The following USP31 variants were observed in gnomAD, a reference collection of about 807,000 sequenced individuals.
The protein encoded by USP31 is ubiquitin carboxyl-terminal hydrolase 31.
In USP31, 44 loss-of-function variants were observed where a neutral mutation model predicts 119.4. The observed-to-expected ratio is 0.37, with a 90% CI of 0.29 to 0.47. The LOEUF is 0.47. USP31 is among the 20% of genes least tolerant of loss of function. The pLI is 0.99. For missense variants in USP31, 1,643 were observed against 1,730.2 expected, an observed-to-expected ratio of 0.95 and a Z score of 0.89; for synonymous variants, 749 against 705.6, an observed-to-expected ratio of 1.06 and a Z score of -0.97.
rs1292151912 is a variant in USP31 at position 23,078,119 on chromosome 16, C to T, written c.2176+1827G>A. On this transcript the variant is annotated intron_variant, in intron 13 of 15. Coordinates refer to ENST00000219689, the MANE Select transcript of USP31 (RefSeq NM_020718.4). ...ACCAGGTCAGGAGATCGAGACCATC[C>T]TGGCCAACATGGTGAAACCCCGTCT... Among the ~76,000 whole-genome samples the T allele has an allele frequency of 2.0e-5, 3 of 151,948 alleles. No homozygotes were observed. In the East Asian group the frequency reaches 5.8e-4, roughly 29 times the overall value.
At chr16:23,084,210 G>A (rs1567229683) in intron 11 of USP31, among the ~76,000 whole-genome samples, 1 of 152,176 alleles carries the variant, frequency 6.6e-6, no homozygotes, top group Non-Finnish European at 1.5e-5. Context: ...TCTAGTCAAT[G>A]TTTATAAGGT....
chr16:23,146,246 CG>C (rs1047729728), intron 1 of USP31, among the ~76,000 whole-genome samples: 2 of 89,972 alleles, frequency 2.2e-5, no homozygotes, highest in East Asian at 2.9e-4. Context: ...GGGTGGGGGG[CG>C]GGGGGTGGAC....
At chr16:23,106,577 T>G in intron 2 of USP31, 90 bp from the exon 3 acceptor site, 1 of 1,300,544 alleles carries the variant, frequency 7.7e-7, no homozygotes. Flanking sequence ...GATCTTGACT[T>G]CCTTTACAAG....
rs771998116 is a variant in USP31 at position 23,069,236 on chromosome 16, T to C, written c.2869A>G (p.Arg957Gly). 4.3e-6 allele frequency: 7 copies of C among 1,614,222 alleles called. No homozygotes were observed. Among genetic ancestry groups the C allele is most frequent in the South Asian group, 1.1e-5 (1 of 91,074 alleles). ...GVFKDESDTR[R>G]LNSSVVDTQS... Reference sequence around the variant, plus strand: ...GTATCTACGACACTGGAGTTCAATCTGCGGGTGTCCGATTCGTCTTTGAAC... The same window carrying C: ...GTATCTACGACACTGGAGTTCAATCCGCGGGTGTCCGATTCGTCTTTGAAC... The change falls in exon 16 of 16, where the codon AGA becomes GGA. Residue 957 changes from arginine (R) to glycine (G), a missense_variant. Coordinates refer to ENST00000219689, the MANE Select transcript of USP31 (RefSeq NM_020718.4).
intron 14 of USP31, among the ~76,000 whole-genome samples, chr16:23,073,115 T>C (rs1046969524): frequency 6.6e-6 from 1 of 152,130 alleles, no homozygotes; most frequent in Non-Finnish European, 1.5e-5. Flanking sequence ...GCATTCATAT[T>C]GTGTGTGGGT....
At chr16:23,080,750 G>A (rs917699165) in intron 12 of USP31, among the ~76,000 whole-genome samples, 3 of 152,206 alleles carry the variant, frequency 2.0e-5, no homozygotes, top group African/African-American at 4.8e-5. Context: ...ATGACTGAAT[G>A]TTTCCTGTGT....
At chr16:23,120,387 G>A (rs1417199001) in intron 1 of USP31, among the ~76,000 whole-genome samples, 1 of 152,200 alleles carries the variant, frequency 6.6e-6, no homozygotes, top group African/African-American at 2.4e-5. Context: ...ATTTTTATAT[G>A]TCAATGATAT....
In USP31 at chr16:23,067,690, T is replaced by C. The variant is rs1900131302; in HGVS notation, c.*356A>G. 1 of 173,250 alleles carries C rather than the reference T, an allele frequency of 5.8e-6. No homozygotes were observed. Among genetic ancestry groups the C allele is most frequent in the Admixed American group, 5.7e-5 (1 of 17,644 alleles). 10.7% of individuals were successfully genotyped at this position (173,250 alleles called of 1,614,324 possible). ...CCTTCTACGCACTAATGGTAGCTTT[T>C]CTGGTTCACAGGTTTCAAAACCCTC... On this transcript the variant is annotated 3_prime_UTR_variant, in exon 16 of 16. Coordinates refer to ENST00000219689, the MANE Select transcript of USP31 (RefSeq NM_020718.4).
At chr16:23,086,336 TATA>T (rs935657172) in intron 9 of USP31, among the ~76,000 whole-genome samples, 55 of 152,094 alleles carry the variant, frequency 3.6e-4, no homozygotes, top group Admixed American at 3.1e-3. Flanking sequence ...AAAAAATCAT[TATA>T]ATAATTTTTA....
chr16:23,062,764 T>C lies in USP31; in HGVS notation c.*5282A>G, dbSNP rs986498044. On this transcript the variant is annotated 3_prime_UTR_variant, in exon 16 of 16. Transcript: ENST00000219689. The stretch of plus-strand genomic sequence containing the variant: ...GAGTGCTAGGCCATTCACAACATGG[T>C]CCAAGCTCCCCAACTGGGCCTTGAA... The C allele has an allele frequency of 1.3e-5, 2 of 152,618 alleles. No homozygotes were observed. The highest frequency in any genetic ancestry group is 2.4e-5 in the African/African-American group (1 of 41,448). The allele number at this position is 152,618 out of a possible 1,614,324, so 9.5% of individuals were successfully genotyped here.
chr16:23,139,637 A>G (rs79756690), intron 1 of USP31, among the ~76,000 whole-genome samples: 402 of 152,244 alleles, frequency 2.6e-3, no homozygotes, highest in Non-Finnish European at 4.4e-3. Flanking sequence ...CCTTCTAAAT[A>G]TGCTCCTGGC....
chr16:23,148,404 T>G (rs976271544), intron 1 of USP31, among the ~76,000 whole-genome samples: 2 of 152,110 alleles, frequency 1.3e-5, no homozygotes, highest in African/African-American at 4.8e-5. Flanking sequence ...TATCACAGAG[T>G]ATGGGCACGT....
At chr16:23,084,786 T>C in intron 11 of USP31, 74 bp downstream of exon 11, 1 of 1,579,600 alleles carries the variant, frequency 6.3e-7, no homozygotes, top group East Asian at 2.3e-5. Context: ...CGTGATTTGT[T>C]TCTCCACTAT....
Position 23,148,745 on chromosome 16 carries a change from C to T in USP31, c.526G>A (p.Ala176Thr). Residue 176 changes from alanine (A) to threonine (T), a missense_variant, in exon 1 of 16, where the codon GCG becomes ACG. By Grantham distance (58) the Ala-to-Thr change is moderately conservative. Coordinates refer to ENST00000219689, the MANE Select transcript of USP31 (RefSeq NM_020718.4). ...CCCTGGCCCTGCGCGCCGCGGCCCG[C>T]AGGCTGCTCCGGGTCAGGCGAGGGC... ...PEPSPDPEQP[A>T]GRGAQGQGEV... is the part of the protein sequence containing the mutation. 1 of 1,498,236 alleles carries T rather than the reference C, an allele frequency of 6.7e-7. No homozygotes were observed. Among genetic ancestry groups the T allele is most frequent in the Non-Finnish European group, 8.9e-7 (1 of 1,127,774 alleles). The allele number at this position is 1,498,236 out of a possible 1,614,324, so 92.8% of individuals were successfully genotyped here.
chr16:23,068,901 TAGAG>T lies in USP31; in HGVS notation c.3200_3203del (p.Ser1067Ter). On this transcript the variant is annotated frameshift_variant, in exon 16 of 16. Transcript: ENST00000219689. LOFTEE classifies it high-confidence loss of function. ...CTTTGCTGCGGGAGCGGGAGGGCTT[TAGAG>T]AGACTTTTACAGGAAGAGGAGAAGA... 1 of 1,611,626 alleles carries T rather than the reference TAGAG, an allele frequency of 6.2e-7. No individual in the cohort carries two copies. Among genetic ancestry groups the T allele is most frequent in the Non-Finnish European group, 8.5e-7 (1 of 1,178,984 alleles).
At chr16:23,109,952 G>A (rs886876891) in intron 1 of USP31, among the ~76,000 whole-genome samples, 11 of 151,852 alleles carry the variant, frequency 7.2e-5, no homozygotes, top group African/African-American at 7.2e-5. Context: ...ATGATGTGAC[G>A]ACTAAATGCA....
chr16:23,078,310 CAAAAAA>C (rs34288248), intron 13 of USP31, among the ~76,000 whole-genome samples: 1 of 71,144 alleles, frequency 1.4e-5, no homozygotes, highest in African/African-American at 6.5e-5. Flanking sequence ...GACTCCGTCG[CAAAAAA>C]AAAAAAAAAA....
At position 23,068,699 on chromosome 16, in the gene USP31, G is replaced by A. The variant is rs1380796285; in HGVS notation, c.3406C>T (p.Pro1136Ser). The A allele has an allele frequency of 6.2e-7, 1 of 1,613,664 alleles. No homozygotes were observed. The highest frequency in any genetic ancestry group is 8.5e-7 in the Non-Finnish European group (1 of 1,179,878). Reference sequence around the variant, plus strand: ...GGTGGGAAAGGGCTCCTTGTGGCAGGGCCCGAGGCCTTTTTGGCAGATGTG... The same window carrying A: ...GGTGGGAAAGGGCTCCTTGTGGCAGAGCCCGAGGCCTTTTTGGCAGATGTG... ...SSTSAKKASG[P>S]ATRSPFPPGK... The change falls in exon 16 of 16, where the codon CCT (proline) becomes TCT (serine). Residue 1136 changes from proline to serine, a missense_variant. Pro to Ser is a moderately conservative substitution (Grantham distance 74, BLOSUM62 -1). Around this residue, in one of 5 missense-constraint regions of USP31, gnomAD observed 699 missense variants for 650.9 expected, o/e 1.07. Coordinates refer to ENST00000219689, the MANE Select transcript of USP31 (RefSeq NM_020718.4).
chr16:23,113,674 G>A lies in USP31; in HGVS notation c.634-5491C>T, dbSNP rs1410003515. Among the ~76,000 whole-genome samples the A allele has an allele frequency of 2.0e-5, 3 of 152,196 alleles. No homozygotes were observed. In the East Asian group the frequency reaches 5.8e-4, roughly 29 times the overall value. ...GGCAAGGGTTTGAATGACTGCCAGA[G>A]ATCATTCTTCATCACCAAGGAGCTC... is the stretch of plus-strand genomic sequence containing the variant. On this transcript the variant is annotated intron_variant, in intron 1 of 15. Coordinates refer to ENST00000219689, the MANE Select transcript of USP31 (RefSeq NM_020718.4).
Sources: allele counts gnomAD v4.1 joint callset (sites outside exome capture counted in the v4.1 genomes callset), GRCh38; gene constraint gnomAD v4.1.1; regional missense constraint gnomAD v4.1.1; transcripts MANE v1.5; gene names NCBI Gene and HGNC (gene_info 2026-07-23, HGNC 2026-07-21).